The following CELA3B variants were observed in gnomAD, a reference collection of about 807,000 sequenced individuals.
The protein encoded by CELA3B is chymotrypsin like elastase 3B.
CELA3B carries 34 observed loss-of-function variants against 37.2 expected under a neutral mutation model. That is an observed-to-expected ratio of 0.91 (90% CI 0.70 to 1.22). The LOEUF is 1.22. Among genes scored for constraint, CELA3B ranks in the 50% most tolerant of loss-of-function variants. CELA3B has a pLI of 0.00. For missense variants in CELA3B, 340 were observed against 363.1 expected, an observed-to-expected ratio of 0.94 and a Z score of 0.52; for synonymous variants, 127 against 143.5, an observed-to-expected ratio of 0.89 and a Z score of 0.82.
At chr1:21,988,158 G>A (rs538243522) in intron 7 of CELA3B, among the ~76,000 whole-genome samples, 1 of 151,756 alleles carries the variant, frequency 6.6e-6, no homozygotes, top group African/African-American at 2.4e-5. Flanking sequence ...GTTGCAGTGC[G>A]CCGAGATTAC....
At chr1:21,989,752 T>C (rs572887785), downstream of CELA3B, among the ~76,000 whole-genome samples, 1 of 151,130 alleles carries the variant, frequency 6.6e-6, no homozygotes, top group Non-Finnish European at 1.5e-5. Flanking sequence ...CTGCTTCCAC[T>C]GATGGGCTGG....
At chr1:21,993,215 C>T (rs937306270), downstream of CELA3B, among the ~76,000 whole-genome samples, 7 of 151,372 alleles carry the variant, frequency 4.6e-5, no homozygotes, top group African/African-American at 1.7e-4. Flanking sequence ...AATCCCGGCA[C>T]TTTGGGAGGC....
chr1:21,989,064 A>C (rs1344945274), intron 7 of CELA3B, among the ~76,000 whole-genome samples, 198 bp from the exon 8 acceptor site: 8 of 151,984 alleles, frequency 5.3e-5, no homozygotes, highest in Non-Finnish European at 8.8e-5. Context: ...AACCTTAGTT[A>C]ACAATTTAAT....
chr1:21,983,581 G>C (rs1440229528), intron 4 of CELA3B, 113 bp from the exon 5 acceptor site: 9 of 1,450,298 alleles, frequency 6.2e-6, no homozygotes, highest in Non-Finnish European at 5.6e-6. Flanking sequence ...AGTGGATTTG[G>C]AGGGTGAAGG....
In CELA3B at chr1:21,986,412, C is replaced by T. The variant is rs543114651; in HGVS notation, c.643-119C>T. 7.7e-4 allele frequency: 976 copies of T among 1,260,040 alleles called. 1 individual carries two copies. The highest frequency in any genetic ancestry group is 1.0e-3 in the Non-Finnish European group (948 of 920,546). The allele number at this position is 1,260,040 out of a possible 1,614,324, so 78.1% of individuals were successfully genotyped here. ...ATAATAAATGATTAAAAAAAATGAG[C>T]GAGCTAAGGCTCAGAGGAGTCAGGT... On this transcript the variant is annotated intron_variant, in intron 6 of 7. Coordinates refer to ENST00000337107, the MANE Select transcript of CELA3B (RefSeq NM_007352.4).
At chr1:21,982,914 CG>C (rs1557865356) in intron 4 of CELA3B, among the ~76,000 whole-genome samples, 1 of 152,066 alleles carries the variant, frequency 6.6e-6, no homozygotes, top group Non-Finnish European at 1.5e-5. Flanking sequence ...CTCTTAACCT[CG>C]TGATCCGCAG....
rs753874889 is a variant in CELA3B, at chr1:21,981,181, A to G, written c.362+9A>G. The G allele has an allele frequency of 5.0e-5, 80 of 1,610,818 alleles. 4 individuals carry two copies. In the South Asian group the frequency reaches 8.3e-4, roughly 17 times the overall value. On this transcript the variant is annotated intron_variant, in intron 4 of 7. Transcript: ENST00000337107. Reference sequence around the variant, plus strand: ...TCGTGTGTGGCCTGTGGGTGAGTGAATGCTCCGGTCTGGAACCCAGAGGCT... The same window carrying G: ...TCGTGTGTGGCCTGTGGGTGAGTGAGTGCTCCGGTCTGGAACCCAGAGGCT...
chr1:21,986,488 C>T lies in CELA3B; in HGVS notation c.643-43C>T, dbSNP rs374038840. 3.0e-5 allele frequency: 48 copies of T among 1,607,298 alleles called. 1 individual carries two copies. The highest frequency in any genetic ancestry group is 3.8e-5 in the Non-Finnish European group (45 of 1,178,330). On this transcript the variant is annotated intron_variant, in intron 6 of 7. Transcript: ENST00000337107. ...AGAATTCAGAACCAGTTCCATAAAC[C>T]TCAGACATGGCTCAGCCACCCACAC...
At chr1:21,980,236 T>C (rs1644796215) in intron 2 of CELA3B, among the ~76,000 whole-genome samples, 1 of 139,760 alleles carries the variant, frequency 7.2e-6, no homozygotes, top group Non-Finnish European at 1.6e-5. Context: ...TCCCAGCACT[T>C]CGGGAGGCCG....
intron 4 of CELA3B, among the ~76,000 whole-genome samples, chr1:21,994,825 C>T (rs568874282): frequency 2.0e-5 from 3 of 150,122 alleles, no homozygotes; most frequent in Non-Finnish European, 3.0e-5. Context: ...CATGGCGAAA[C>T]CTTCTCTCTA....
intron 1 of CELA3B, among the ~76,000 whole-genome samples, chr1:21,977,420 C>T (rs1332640496): frequency 1.3e-5 from 2 of 150,682 alleles, no homozygotes; most frequent in Non-Finnish European, 3.0e-5. Context: ...TCTCCTCTCA[C>T]ACTCCCCCTA....
chr1:21,984,405 G>C, intron 6 of CELA3B, 74 bp downstream of exon 6: 2 of 1,556,102 alleles, frequency 1.3e-6, no homozygotes, highest in Non-Finnish European at 1.7e-6. Flanking sequence ...TGCCTGGAAG[G>C]TGGAGGAAGG....
At chr1:21,985,114 A>G (rs770748319) in intron 6 of CELA3B, among the ~76,000 whole-genome samples, 3 of 150,908 alleles carry the variant, frequency 2.0e-5, no homozygotes, top group Non-Finnish European at 4.4e-5. Flanking sequence ...ATGCCCATCT[A>G]CAAAAAAAAC....
intron 4 of CELA3B, among the ~76,000 whole-genome samples, chr1:21,995,632 G>A (rs1252974268): frequency 6.6e-6 from 1 of 150,816 alleles, no homozygotes; most frequent in Admixed American, 6.6e-5. Flanking sequence ...GGTTGACCTG[G>A]AGGAGCCATT....
Position 21,983,796 on chromosome 1 carries a change from A to T in CELA3B, c.465A>T (p.Thr155=). ...PPAGDILPNE[T]PCYITGWGRL... is the part of the protein sequence containing the mutation. ...CTGGTGACATCCTTCCCAACGAGAC[A>T]CCCTGCTACATCACCGGCTGGGGCC... The change falls in exon 5 of 8, where the codon ACA becomes ACT. Residue 155 remains threonine (T), a synonymous_variant. Transcript: ENST00000337107. The T allele has an allele frequency of 2.5e-6, 4 of 1,613,974 alleles. 1 individual carries two copies. In the East Asian group the frequency reaches 8.9e-5, roughly 36 times the overall value.
In CELA3B at chr1:21,986,523, G is replaced by A. The variant is rs780681001; in HGVS notation, c.643-8G>A. The A allele has an allele frequency of 3.7e-6, 6 of 1,613,570 alleles. No individual in the cohort carries two copies. The highest frequency in any genetic ancestry group is 3.3e-5 in the South Asian group (3 of 91,060). The stretch of plus-strand genomic sequence containing the variant: ...GCTCAGCCACCCACACCTCTCTGAC[G>A]GTTCCAGGGTGACTCTGGAGGACCC... On this transcript the variant is annotated splice_polypyrimidine_tract_variant and splice_region_variant and intron_variant, in intron 6 of 7. Coordinates refer to ENST00000337107, the MANE Select transcript of CELA3B (RefSeq NM_007352.4).
exon 5 of CELA3B, chr1:21,998,316 C>G (rs1644899808): frequency 5.7e-5 from 25 of 436,262 alleles, no homozygotes; most frequent in South Asian, 4.1e-4. Context: ...TAGTTCTTCA[C>G]TGAGTGCCCA....
At chr1:21,981,838 G>T (rs550827485) in intron 4 of CELA3B, among the ~76,000 whole-genome samples, 1 of 151,526 alleles carries the variant, frequency 6.6e-6, no homozygotes, top group East Asian at 2.0e-4. Flanking sequence ...CCATTCTCCT[G>T]CCTCAGCGTC....
chr1:21,997,963 T>G (rs761253410), intron 4 of CELA3B, among the ~76,000 whole-genome samples: 4 of 151,344 alleles, frequency 2.6e-5, no homozygotes, highest in Admixed American at 1.3e-4. Context: ...GGAAACAGTC[T>G]GCCCTGTCAC....
Sources: gnomAD v4.1 joint callset for allele counts (sites outside exome capture counted in the v4.1 genomes callset) on GRCh38, gnomAD v4.1.1 for gene constraint, MANE v1.5 for transcripts, NCBI Gene and HGNC (gene_info 2026-07-23, HGNC 2026-07-21) for gene names.